The following TCF4 variants were observed in gnomAD, a reference collection of about 807,000 sequenced individuals.
TCF4 encodes transcription factor 4.
A neutral mutation model predicts 82.1 loss-of-function variants in TCF4; 3 were observed. The ratio of observed to expected loss-of-function variants is 0.04; its 90% CI spans 0.02 to 0.09. The LOEUF (loss-of-function observed/expected upper bound fraction) is 0.09. Among genes scored for constraint, TCF4 ranks in the 10% least tolerant of loss-of-function variants. The pLI, the probability that TCF4 is intolerant of heterozygous loss-of-function variation, is 1.00. For synonymous variants in TCF4, 276 were observed against 309.6 expected (o/e 0.89, Z 1.14); for missense variants, 518 against 852.7 (o/e 0.61, Z 4.89).
intron 2 of TCF4, among the ~76,000 whole-genome samples, chr18:55,599,486 C>T (rs1321855556): frequency 2.0e-5 from 3 of 152,116 alleles, no homozygotes; most frequent in African/African-American, 7.2e-5. Context: ...TTTGGGAGGC[C>T]GAGGCGGGCA....
At chr18:55,584,867 T>C (rs2097621608) in intron 3 of TCF4, among the ~76,000 whole-genome samples, 1 of 152,176 alleles carries the variant, frequency 6.6e-6, no homozygotes. Flanking sequence ...TTTAAAAGGG[T>C]TAATTGTATA....
intron 5 of TCF4, among the ~76,000 whole-genome samples, chr18:55,415,017 A>G (rs907090755): frequency 1.3e-5 from 2 of 152,230 alleles, no homozygotes; most frequent in Non-Finnish European, 2.9e-5. Context: ...TACCACATCC[A>G]TTACAGACAA....
intron 15 of TCF4, among the ~76,000 whole-genome samples, chr18:55,250,167 C>T (rs1215949911): frequency 6.6e-6 from 1 of 152,118 alleles, no homozygotes; most frequent in Non-Finnish European, 1.5e-5. Flanking sequence ...AGAAAAATAA[C>T]TTGATAACTT....
chr18:55,402,965 G>T (rs2093909727), intron 6 of TCF4, among the ~76,000 whole-genome samples: 2 of 152,100 alleles, frequency 1.3e-5, no homozygotes, highest in Non-Finnish European at 1.5e-5. Context: ...AAACAAAAAG[G>T]GACAACAAAT....
Position 55,224,213 on chromosome 18 carries a change from G to A in TCF4, c.*3822C>T, listed in dbSNP as rs2046301354. 1 of 145,344 alleles carries A rather than the reference G, an allele frequency of 6.9e-6. No individual in the cohort carries two copies. The highest frequency in any genetic ancestry group is 7.0e-5 in the Admixed American group (1 of 14,366). 9.0% of individuals were successfully genotyped at this position (145,344 alleles called of 1,614,324 possible). ...CACTTAATTGCATCACAAGTAACAA[G>A]AATGAAAAAGGCCACAGTTCATATA... On this transcript the variant is annotated 3_prime_UTR_variant, in exon 20 of 20. Transcript: ENST00000354452.
intron 6 of TCF4, among the ~76,000 whole-genome samples, chr18:55,352,963 G>C (rs559954020): frequency 6.6e-6 from 1 of 152,240 alleles, no homozygotes; most frequent in African/African-American, 2.4e-5. Context: ...GGAAAGAGGA[G>C]TTTGAAAATA....
intron 8 of TCF4, chr18:55,321,912 G>A: frequency 7.2e-7 from 1 of 1,396,798 alleles, no homozygotes. Context: ...AGGCCGCGGC[G>A]CTGCTGTCAG....
intron 8 of TCF4, among the ~76,000 whole-genome samples, chr18:55,327,221 G>A (rs990311206): frequency 3.3e-5 from 5 of 151,706 alleles, no homozygotes; most frequent in African/African-American, 4.8e-5. Flanking sequence ...ACACGTATCT[G>A]GAGAAAATAT....
intron 8 of TCF4, chr18:55,332,173 T>C (rs2077697231): frequency 6.6e-6 from 1 of 152,194 alleles, no homozygotes; most frequent in African/African-American, 2.4e-5. Flanking sequence ...AGGGACACCA[T>C]ATTCTATGGT....
chr18:55,621,662 C>CATTATATATTATATAATATAT (rs1390785982), intron 2 of TCF4, among the ~76,000 whole-genome samples: 4 of 44,568 alleles, frequency 9.0e-5, no homozygotes. Context: ...ATATAATATA[C>CATTATATATTATATAATATAT]ATTATATAAT....
rs575257389 is a variant in TCF4, at chr18:55,338,212, G to A, written c.549+12147C>T. 2.5e-4 allele frequency among the ~76,000 whole-genome samples: 38 copies of A among 152,284 alleles called. No homozygotes were observed. The South Asian group carries it at 6.8e-3, about 27-fold the overall frequency. On this transcript the variant is annotated intron_variant, in intron 8 of 19. Transcript: ENST00000354452. The stretch of plus-strand genomic sequence containing the variant: ...AAAAAGCACTGCCCCACCGTGCGAC[G>A]ACAAGCAGTCTGTTTTGATATTAGT...
Position 55,474,745 on chromosome 18 carries a change from A to T in TCF4, c.146-10608T>A, listed in dbSNP as rs554837604. Among the ~76,000 whole-genome samples, 16 of 150,282 alleles carry T rather than the reference A, an allele frequency of 1.1e-4. No individual in the cohort carries two copies. In the East Asian group the frequency reaches 3.1e-3, roughly 30 times the overall value. On this transcript the variant is annotated intron_variant, in intron 3 of 19. Transcript: ENST00000354452. ...CATTCTTCCCATATTTTACATTTTT[A>T]TTTTTTTTAAGTTTTGGGGTTTTTG...
At chr18:55,437,243 A>T (rs942814867) in intron 5 of TCF4, among the ~76,000 whole-genome samples, 2 of 152,228 alleles carry the variant, frequency 1.3e-5, no homozygotes, top group Non-Finnish European at 2.9e-5. Flanking sequence ...ATACAAGAAA[A>T]ATCACACCTA....
chr18:55,451,563 T>C (rs2095623851), intron 5 of TCF4, among the ~76,000 whole-genome samples: 1 of 152,214 alleles, frequency 6.6e-6, no homozygotes, highest in Admixed American at 6.5e-5. Context: ...TAAGAATATA[T>C]AATGTGAACA....
At chr18:55,622,032 T>A (rs1462033682) in intron 2 of TCF4, among the ~76,000 whole-genome samples, 3 of 134,714 alleles carry the variant, frequency 2.2e-5, no homozygotes, top group Middle Eastern at 3.7e-3. Flanking sequence ...CACTATATAT[T>A]ATATATACAC....
intron 8 of TCF4, among the ~76,000 whole-genome samples, chr18:55,288,928 T>G (rs1163420620): frequency 3.3e-5 from 5 of 152,236 alleles, no homozygotes; most frequent in African/African-American, 1.2e-4. Context: ...TAAAGCCAAG[T>G]GTAAATACAG....
intron 8 of TCF4, among the ~76,000 whole-genome samples, chr18:55,328,594 T>C (rs1238016346): frequency 6.6e-6 from 1 of 152,178 alleles, no homozygotes. Context: ...CTGAGTCAAA[T>C]GAAATTCGAG....
intron 6 of TCF4, among the ~76,000 whole-genome samples, chr18:55,359,498 G>T (rs1156407356): frequency 6.6e-6 from 1 of 152,114 alleles, no homozygotes; most frequent in African/African-American, 2.4e-5. Flanking sequence ...CATCCAACAG[G>T]GTGGGCCCCG....
chr18:55,414,115 G>A (rs1406445624), intron 5 of TCF4, among the ~76,000 whole-genome samples: 1 of 152,182 alleles, frequency 6.6e-6, no homozygotes, highest in Non-Finnish European at 1.5e-5. Flanking sequence ...GGTAACAGGA[G>A]AGACATGTAT....
Sources: allele counts gnomAD v4.1 joint callset (sites outside exome capture counted in the v4.1 genomes callset), GRCh38; gene constraint gnomAD v4.1.1; transcripts MANE v1.5; gene names NCBI Gene and HGNC (gene_info 2026-07-23, HGNC 2026-07-21).